The following TMEM132D variants were observed in gnomAD, a reference collection of about 807,000 sequenced individuals.
TMEM132D encodes transmembrane protein 132D.
Under a neutral mutation model 62.3 loss-of-function variants are expected in TMEM132D, and 21 were observed. The ratio of observed to expected loss-of-function variants is 0.34; its 90% CI spans 0.24 to 0.49. The LOEUF is 0.49. Ranked by LOEUF, TMEM132D falls within the 20% of genes least tolerant of loss-of-function variation. TMEM132D has a pLI of 0.99. For synonymous variants in TMEM132D, 621 were observed against 575.6 expected (o/e 1.08, Z -1.13); for missense variants, 1,346 against 1,402.8 (o/e 0.96, Z 0.65).
rs181595483 is a variant in TMEM132D at position 129,129,025 on chromosome 12, C to T, written c.1444-44323G>A. On this transcript the variant is annotated intron_variant, in intron 5 of 8. Transcript: ENST00000422113. ...CTTTCAGATGCAGGGGATACATGTA[C>T]GGGGTTTCTACTTGGGTATATTGCA... 2.2e-4 allele frequency among the ~76,000 whole-genome samples: 33 copies of T among 152,106 alleles called. No individual in the cohort carries two copies. In the East Asian group the frequency reaches 5.0e-3, roughly 23 times the overall value.
intron 4 of TMEM132D, among the ~76,000 whole-genome samples, chr12:129,246,960 T>G (rs1387818172): frequency 6.6e-6 from 1 of 152,182 alleles, no homozygotes; most frequent in African/African-American, 2.4e-5. Context: ...AATTATATAC[T>G]CATCCAGTCA....
rs542724460 is a variant in TMEM132D, at chr12:129,209,641, G to A, written c.1322C>T (p.Ala441Val). 1 of 1,614,170 alleles carries A rather than the reference G, an allele frequency of 6.2e-7. No homozygotes were observed. The highest frequency in any genetic ancestry group is 1.3e-5 in the African/African-American group (1 of 75,050). ...GGCCACCGTCTTCCCCGTGAGGATG[G>A]CTGTGTTCAGGATTTCTGCCTCCTG... ...LAMEAEILNT[A>V]ILTGKTVAVP... Residue 441 changes from alanine (A) to valine (V), a missense_variant, in exon 5 of 9, where the codon GCC (alanine) becomes GTC (valine). Ala to Val is a moderately conservative substitution (Grantham distance 64). Transcript: ENST00000422113.
chr12:129,899,178 TAGA>T (rs1209654425), intron 1 of TMEM132D, among the ~76,000 whole-genome samples: 7 of 133,032 alleles, frequency 5.3e-5, no homozygotes, highest in Admixed American at 5.0e-4. Context: ...GATGGGTGGA[TAGA>T]AGGATGGAAT....
chr12:129,637,269 A>C (rs749722122), intron 2 of TMEM132D, among the ~76,000 whole-genome samples: 2 of 152,194 alleles, frequency 1.3e-5, no homozygotes, highest in Non-Finnish European at 2.9e-5. Flanking sequence ...ATTTACACTG[A>C]AAAACAAATT....
chr12:129,715,522 A>C (rs1199680760), intron 1 of TMEM132D, among the ~76,000 whole-genome samples: 6 of 152,224 alleles, frequency 3.9e-5, no homozygotes, highest in African/African-American at 1.4e-4. Flanking sequence ...AACCGATACC[A>C]ATTCAAAGTG....
chr12:129,545,491 C>T (rs1593060345), intron 2 of TMEM132D, among the ~76,000 whole-genome samples: 1 of 151,790 alleles, frequency 6.6e-6, no homozygotes, highest in East Asian at 1.9e-4. Flanking sequence ...AGATCTATGC[C>T]TTAGACACAT....
At chr12:129,346,403 T>C (rs569588252) in intron 3 of TMEM132D, among the ~76,000 whole-genome samples, 1 of 152,278 alleles carries the variant, frequency 6.6e-6, no homozygotes, top group South Asian at 2.1e-4. Context: ...GGTTCATTGA[T>C]TTTTTTGAAG....
At chr12:129,762,461 T>A (rs1422703991) in intron 1 of TMEM132D, among the ~76,000 whole-genome samples, 1 of 152,068 alleles carries the variant, frequency 6.6e-6, no homozygotes. Flanking sequence ...ATCATTCCCA[T>A]GATGTTTCAA....
intron 3 of TMEM132D, among the ~76,000 whole-genome samples, chr12:129,526,496 G>T (rs920981326): frequency 6.6e-6 from 1 of 152,044 alleles, no homozygotes; most frequent in Non-Finnish European, 1.5e-5. Context: ...TATTGGCCAG[G>T]ATGGTCTCGA....
At chr12:129,784,680 T>C (rs556687852) in intron 1 of TMEM132D, among the ~76,000 whole-genome samples, 8 of 152,312 alleles carry the variant, frequency 5.3e-5, no homozygotes, top group African/African-American at 1.9e-4. Context: ...AAGTGTATCA[T>C]TCCATTCCCT....
intron 2 of TMEM132D, among the ~76,000 whole-genome samples, chr12:129,591,015 G>A (rs1015664740): frequency 6.6e-6 from 1 of 152,116 alleles, no homozygotes; most frequent in Admixed American, 6.5e-5. Context: ...TATGGTGAGA[G>A]AAAAGAAAGA....
intron 2 of TMEM132D, among the ~76,000 whole-genome samples, chr12:129,642,483 C>G (rs963497761): frequency 2.6e-5 from 4 of 152,192 alleles, no homozygotes; most frequent in African/African-American, 9.6e-5. Flanking sequence ...CATTTCCACT[C>G]CTGACTCCTG....
intron 5 of TMEM132D, among the ~76,000 whole-genome samples, chr12:129,170,795 G>A (rs577460099): frequency 1.4e-4 from 17 of 119,324 alleles, no homozygotes; most frequent in South Asian, 3.1e-4. Flanking sequence ...GCGACCCAGC[G>A]AGACTCCAAG....
At chr12:129,655,863 G>A (rs1282786244) in intron 2 of TMEM132D, among the ~76,000 whole-genome samples, 2 of 152,164 alleles carry the variant, frequency 1.3e-5, no homozygotes, top group Non-Finnish European at 2.9e-5. Flanking sequence ...GAAGGAAGGG[G>A]ACATGTTGGT....
At chr12:129,477,449 C>A (rs1392362440) in intron 3 of TMEM132D, among the ~76,000 whole-genome samples, 1 of 152,186 alleles carries the variant, frequency 6.6e-6, no homozygotes. Flanking sequence ...TACTTGGTCT[C>A]CATGCTCTAT....
chr12:129,793,645 C>T (rs1194638813), intron 1 of TMEM132D, among the ~76,000 whole-genome samples: 1 of 152,222 alleles, frequency 6.6e-6, no homozygotes, highest in African/African-American at 2.4e-5. Flanking sequence ...GGATGACAGG[C>T]GTGGGCCATC....
chr12:129,298,763 T>G (rs1311252570), intron 4 of TMEM132D, among the ~76,000 whole-genome samples: 1 of 152,222 alleles, frequency 6.6e-6, no homozygotes, highest in Non-Finnish European at 1.5e-5. Context: ...TTATTTCACT[T>G]AATGTGATGT....
intron 3 of TMEM132D, among the ~76,000 whole-genome samples, chr12:129,474,049 A>G (rs1874185133): frequency 6.6e-6 from 1 of 152,202 alleles, no homozygotes; most frequent in Admixed American, 6.5e-5. Flanking sequence ...GGCAAAGCAG[A>G]TCACTGCCTT....
intron 2 of TMEM132D, among the ~76,000 whole-genome samples, chr12:129,654,203 C>T (rs1165541422): frequency 6.6e-6 from 1 of 152,028 alleles, no homozygotes; most frequent in Non-Finnish European, 1.5e-5. Flanking sequence ...GAGCTCTTTC[C>T]CTTGGCTCCT....
Sources: gnomAD v4.1 joint callset for allele counts (sites outside exome capture counted in the v4.1 genomes callset) on GRCh38, gnomAD v4.1.1 for gene constraint, MANE v1.5 for transcripts, NCBI Gene and HGNC (gene_info 2026-07-23, HGNC 2026-07-21) for gene names.